Variants in ARFGEF3 observed in about 807,000 individuals in gnomAD.
ARFGEF3 encodes the protein ARFGEF family member 3, also known as brefeldin A-inhibited guanine nucleotide-exchange protein 3.
A neutral mutation model predicts 221.7 loss-of-function variants in ARFGEF3; 96 were observed. That is an observed-to-expected ratio of 0.43 (90% CI 0.37 to 0.51). The LOEUF (loss-of-function observed/expected upper bound fraction) is 0.51, where lower values mean the gene tolerates loss of function less well. Among genes scored for constraint, ARFGEF3 ranks in the 20% least tolerant of loss-of-function variants. The pLI, the probability that ARFGEF3 is intolerant of heterozygous loss-of-function variation, is 0.00. For missense variants in ARFGEF3, 2,410 were observed against 2,789.9 expected (o/e 0.86, Z 3.07); for synonymous variants, 1,145 against 1,126.8 (o/e 1.02, Z -0.32).
chr6:138,322,277 C>A (rs939495675), intron 29 of ARFGEF3, among the ~76,000 whole-genome samples: 1 of 152,156 alleles, frequency 6.6e-6, no homozygotes, highest in Admixed American at 6.5e-5. Context: ...CAGACTTGGA[C>A]TGCAACTATA....
Position 138,333,987 on chromosome 6 carries a change from T to C in ARFGEF3, c.5141T>C (p.Ile1714Thr), listed in dbSNP as rs1295222184. Reference sequence around the variant, plus strand: ...ACTTGAAGCGTGTCTTTCAGGGAAATTGTGGTGAGCCTGCTGTCTCATCAG... The same window carrying C: ...ACTTGAAGCGTGTCTTTCAGGGAAACTGTGGTGAGCCTGCTGTCTCATCAG... ...HTKKSVSFREIVVSLLSHQVL... is the reference protein window; with the variant it reads ...HTKKSVSFRETVVSLLSHQVL... Residue 1714 changes from isoleucine (I) to threonine (T), a missense_variant, in exon 33 of 34, where the codon ATT becomes ACT. Coordinates refer to ENST00000251691, the MANE Select transcript of ARFGEF3 (RefSeq NM_020340.5). The C allele has an allele frequency of 2.5e-6, 4 of 1,606,834 alleles. No homozygotes were observed. The highest frequency in any genetic ancestry group is 3.4e-6 in the Non-Finnish European group (4 of 1,174,470).
intron 1 of ARFGEF3, among the ~76,000 whole-genome samples, chr6:138,165,826 T>G (rs1776714067): frequency 6.6e-6 from 1 of 152,232 alleles, no homozygotes; most frequent in Admixed American, 6.5e-5. Context: ...TTGAGATAGG[T>G]GATCATCACC....
intron 27 of ARFGEF3, among the ~76,000 whole-genome samples, chr6:138,318,981 G>A (rs1779974020): frequency 6.6e-6 from 1 of 152,134 alleles, no homozygotes; most frequent in South Asian, 2.1e-4. Flanking sequence ...GGTTTTCTGC[G>A]AAATGGAGGT....
intron 8 of ARFGEF3, 86 bp from the exon 9 acceptor site, chr6:138,253,794 A>AT: frequency 4.6e-6 from 5 of 1,077,080 alleles, no homozygotes; most frequent in Non-Finnish European, 5.5e-6. Flanking sequence ...AACGCCTACC[A>AT]TTTTTCCGAG....
chr6:138,221,796 A>G (rs962247757), intron 4 of ARFGEF3, among the ~76,000 whole-genome samples: 9 of 152,214 alleles, frequency 5.9e-5, no homozygotes, highest in African/African-American at 2.2e-4. Flanking sequence ...AACCCGTGAC[A>G]TGACCATAAA....
chr6:138,198,281 A>G (rs1777469073), intron 2 of ARFGEF3, among the ~76,000 whole-genome samples: 2 of 152,196 alleles, frequency 1.3e-5, no homozygotes, highest in Admixed American at 6.5e-5. Context: ...GCAGGAGAAA[A>G]GGGATTTTGT....
chr6:138,325,623 A>C (rs890993222), intron 31 of ARFGEF3, among the ~76,000 whole-genome samples: 2 of 152,222 alleles, frequency 1.3e-5, no homozygotes, highest in African/African-American at 4.8e-5. Context: ...AGAAACCAAG[A>C]AAGTGGCCCT....
chr6:138,328,233 C>G (rs1284164359), intron 32 of ARFGEF3, 91 bp downstream of exon 32: 1 of 1,382,278 alleles, frequency 7.2e-7, no homozygotes, highest in African/African-American at 1.5e-5. Context: ...GAGCTTTGGC[C>G]AGAAATACTG....
At chr6:138,226,948 T>C (rs1396463605) in intron 4 of ARFGEF3, among the ~76,000 whole-genome samples, 1 of 152,222 alleles carries the variant, frequency 6.6e-6, no homozygotes, top group Non-Finnish European at 1.5e-5. Flanking sequence ...CTGCTGTGCT[T>C]TTCATGCAAC....
chr6:138,224,380 A>G (rs1256592636), intron 4 of ARFGEF3, among the ~76,000 whole-genome samples: 2 of 152,180 alleles, frequency 1.3e-5, no homozygotes, highest in Non-Finnish European at 2.9e-5. Flanking sequence ...CCAAATTATA[A>G]TTTCCCTAAC....
At chr6:138,218,329 T>C (rs765857849) in intron 4 of ARFGEF3, 4 of 1,559,724 alleles carry the variant, frequency 2.6e-6, no homozygotes, top group Non-Finnish European at 3.5e-6. Flanking sequence ...CTCAATTTTC[T>C]GATCTGTAAA....
At chr6:138,331,078 A>G (rs1411818165) in intron 32 of ARFGEF3, among the ~76,000 whole-genome samples, 1 of 152,190 alleles carries the variant, frequency 6.6e-6, no homozygotes, top group African/African-American at 2.4e-5. Context: ...TTTTTGATTT[A>G]AAAGTAGGAA....
intron 2 of ARFGEF3, among the ~76,000 whole-genome samples, chr6:138,179,910 A>G (rs1005984351): frequency 6.6e-6 from 1 of 152,218 alleles, no homozygotes; most frequent in Non-Finnish European, 1.5e-5. Flanking sequence ...CCTGGATTCA[A>G]GCAACCCTCC....
At chr6:138,191,363 T>C (rs748576484) in intron 2 of ARFGEF3, among the ~76,000 whole-genome samples, 2 of 152,166 alleles carry the variant, frequency 1.3e-5, no homozygotes, top group African/African-American at 2.4e-5. Flanking sequence ...TCAGAATGCC[T>C]GGCACAGAGT....
intron 12 of ARFGEF3, among the ~76,000 whole-genome samples, chr6:138,265,688 AT>A: frequency 6.6e-6 from 1 of 152,214 alleles, no homozygotes; most frequent in East Asian, 1.9e-4. Flanking sequence ...TTCAACCAAC[AT>A]TTATAGAGAA....
chr6:138,237,063 G>A (rs2114544862), intron 5 of ARFGEF3, among the ~76,000 whole-genome samples: 1 of 150,066 alleles, frequency 6.7e-6, no homozygotes, highest in Non-Finnish European at 1.5e-5. Context: ...ACATTCAATA[G>A]GAGATAAATT....
chr6:138,316,753 C>T (rs543560676), intron 26 of ARFGEF3, among the ~76,000 whole-genome samples: 1 of 152,268 alleles, frequency 6.6e-6, no homozygotes, highest in African/African-American at 2.4e-5. Flanking sequence ...TTTAATAGCT[C>T]CAGGGTTTCT....
intron 4 of ARFGEF3, chr6:138,218,223 T>C (rs1777910986): frequency 3.1e-6 from 5 of 1,613,836 alleles, no homozygotes; most frequent in Non-Finnish European, 4.2e-6. Context: ...TCTTTTTACT[T>C]TTTCTTTTTT....
intron 5 of ARFGEF3, among the ~76,000 whole-genome samples, chr6:138,236,628 G>T (rs539789026): frequency 6.6e-6 from 1 of 152,038 alleles, no homozygotes; most frequent in African/African-American, 2.4e-5. Flanking sequence ...CACCATGCCC[G>T]GCTAATTTGT....
Sources: allele counts gnomAD v4.1 joint callset (sites outside exome capture counted in the v4.1 genomes callset), GRCh38; gene constraint gnomAD v4.1.1; transcripts MANE v1.5; gene names NCBI Gene and HGNC (gene_info 2026-07-23, HGNC 2026-07-21).